LRRK2: variants seen among roughly 807,000 people sequenced by gnomAD.
The protein encoded by LRRK2 is leucine-rich repeat serine/threonine-protein kinase 2.
A neutral mutation model predicts 302.6 loss-of-function variants in LRRK2; 203 were observed. The observed-to-expected ratio is 0.67, with a 90% CI of 0.60 to 0.75. The LOEUF is 0.75. Among genes scored for constraint, LRRK2 ranks in the 30% least tolerant of loss-of-function variants. The pLI is 0.00. For missense variants in LRRK2, 2,830 were observed against 2,951.0 expected (o/e 0.96, Z 0.95); for synonymous variants, 1,066 against 1,031.9 (o/e 1.03, Z -0.63).
chr12:40,353,739 C>T (rs997293989), intron 44 of LRRK2, among the ~76,000 whole-genome samples: 6 of 152,218 alleles, frequency 3.9e-5, no homozygotes, highest in South Asian at 4.1e-4. Context: ...CCCGGCACCT[C>T]GGGAGGCCGA....
At position 40,354,348 on chromosome 12, in the gene LRRK2, T is replaced by C; in HGVS notation, c.6626T>C (p.Val2209Ala). ...TGCTTAGCCTTGGTGCATCTTCCTG[T>C]TGAAAAGGAAAGCTGGATTGTGTCT... ...ILCLALVHLP[V>A]EKESWIVSGT... The change falls in exon 45 of 51, where the codon GTT becomes GCT. Residue 2209 changes from valine (V) to alanine (A), a missense_variant. Physicochemically the swap from Val to Ala is moderately conservative, Grantham distance 64 (BLOSUM62 0). This residue lies in a region of LRRK2 where 456 missense variants were observed against 456.3 expected (regional missense o/e 1.00). Coordinates refer to ENST00000298910, the MANE Select transcript of LRRK2 (RefSeq NM_198578.4). 6.2e-7 allele frequency: 1 copy of C among 1,614,144 alleles called. No homozygotes were observed. The highest frequency in any genetic ancestry group is 8.5e-7 in the Non-Finnish European group (1 of 1,180,004).
intron 18 of LRRK2, 59 bp from the exon 19 acceptor site, chr12:40,283,816 T>C (rs1282970862): frequency 2.1e-6 from 3 of 1,442,434 alleles, no homozygotes; most frequent in Non-Finnish European, 2.8e-6. Context: ...GATTTGCCAG[T>C]CTCCTAAAAG....
chr12:40,298,823 A>G (rs1451561359), intron 24 of LRRK2, among the ~76,000 whole-genome samples: 1 of 120,698 alleles, frequency 8.3e-6, no homozygotes, highest in East Asian at 2.2e-4. Context: ...AATATATAAT[A>G]CATATATTAT....
rs184975934 is a variant in LRRK2, at chr12:40,318,379, C to T, written c.4828-1609C>T. ...CAAACTCTTTAAAAAATAAGTGTAT[C>T]TTAGTAAAATAGATTAGAATAACTA... is the stretch of plus-strand genomic sequence containing the variant. On this transcript the variant is annotated intron_variant, in intron 33 of 50. Transcript: ENST00000298910. Among the ~76,000 whole-genome samples the T allele has an allele frequency of 1.7e-4, 26 of 152,148 alleles. 1 individual carries two copies. In the East Asian group the frequency reaches 3.3e-3, roughly 19 times the overall value.
intron 14 of LRRK2, among the ~76,000 whole-genome samples, chr12:40,271,675 A>G (rs1267560146): frequency 6.6e-6 from 1 of 152,188 alleles, no homozygotes; most frequent in East Asian, 1.9e-4. Flanking sequence ...AAATATCATG[A>G]TAGTCATACC....
At chr12:40,272,558 G>A (rs1207434710) in intron 14 of LRRK2, among the ~76,000 whole-genome samples, 1 of 152,138 alleles carries the variant, frequency 6.6e-6, no homozygotes. Flanking sequence ...CATCGTTATT[G>A]TGGTCATTGC....
At chr12:40,354,113 T>C (rs1946457451) in intron 44 of LRRK2, among the ~76,000 whole-genome samples, 186 bp from the exon 45 acceptor site, 1 of 152,254 alleles carries the variant, frequency 6.6e-6, no homozygotes, top group Admixed American at 6.5e-5. Flanking sequence ...GTCATCTTGA[T>C]AGGCAAAACT....
chr12:40,349,708 G>A (rs749976335), intron 43 of LRRK2, among the ~76,000 whole-genome samples: 1 of 152,018 alleles, frequency 6.6e-6, no homozygotes, highest in African/African-American at 2.4e-5. Context: ...GTAGAGAAAG[G>A]GTCTCACTCT....
intron 4 of LRRK2, among the ~76,000 whole-genome samples, chr12:40,236,856 T>G (rs184310879): frequency 3.2e-4 from 49 of 152,128 alleles, no homozygotes; most frequent in Admixed American, 3.2e-3. Flanking sequence ...CCTTGGGAGG[T>G]ATTTTTTTTT....
chr12:40,367,501 T>A lies in LRRK2; in HGVS notation c.7463-143T>A. On this transcript the variant is annotated intron_variant, in intron 50 of 50. Coordinates refer to ENST00000298910, the MANE Select transcript of LRRK2 (RefSeq NM_198578.4). ...TTTTCCAAGTATAGTTTTTTATAAA[T>A]AATAATTTAGTACATTAGTTATAGC... 2 of 644,304 alleles carry A rather than the reference T, an allele frequency of 3.1e-6. 1 individual carries two copies. Among genetic ancestry groups the A allele is most frequent in the South Asian group, 7.4e-5 (2 of 27,168 alleles). The allele number at this position is 644,304 out of a possible 1,614,324, so 39.9% of individuals were successfully genotyped here.
chr12:40,291,987 T>C (rs1018796335), intron 20 of LRRK2, among the ~76,000 whole-genome samples: 8 of 152,092 alleles, frequency 5.3e-5, no homozygotes, highest in Admixed American at 3.3e-4. Context: ...GTTAGTATCA[T>C]TTTCTTCCTC....
intron 11 of LRRK2, among the ~76,000 whole-genome samples, chr12:40,255,586 G>A (rs1942466664): frequency 6.6e-6 from 1 of 152,162 alleles, no homozygotes; most frequent in Non-Finnish European, 1.5e-5. Flanking sequence ...AGCAGCATTT[G>A]CTGGGGGAAC....
intron 14 of LRRK2, among the ~76,000 whole-genome samples, chr12:40,272,692 A>G (rs557990620): frequency 3.9e-5 from 6 of 152,168 alleles, no homozygotes; most frequent in Non-Finnish European, 8.8e-5. Context: ...GGGTAAAGGA[A>G]TGATTTTAAA....
rs1221772366 is a variant in LRRK2, at chr12:40,246,451, C to T, written c.838+2770C>T. 5.9e-5 allele frequency among the ~76,000 whole-genome samples: 9 copies of T among 151,354 alleles called. No homozygotes were observed. The South Asian group carries it at 1.5e-3, about 25-fold the overall frequency. On this transcript the variant is annotated intron_variant, in intron 7 of 50. Transcript: ENST00000298910. ...CAGCCTCTTGTTTTTTCTTTTTTAC[C>T]CTTTCTTTTTTGTTAAAAACATCCT...
chr12:40,285,335 T>C (rs1943878384), intron 19 of LRRK2, among the ~76,000 whole-genome samples: 1 of 152,186 alleles, frequency 6.6e-6, no homozygotes, highest in Non-Finnish European at 1.5e-5. Context: ...GTCAATTTTG[T>C]TCATGGTTGT....
At chr12:40,269,496 A>G (rs1293882077) in intron 14 of LRRK2, among the ~76,000 whole-genome samples, 8 of 152,134 alleles carry the variant, frequency 5.3e-5, no homozygotes, top group Admixed American at 5.2e-4. Flanking sequence ...AGGGACTACA[A>G]CAAGCAGAGT....
At chr12:40,344,311 A>T (rs781626802) in intron 41 of LRRK2, among the ~76,000 whole-genome samples, 1 of 152,198 alleles carries the variant, frequency 6.6e-6, no homozygotes, top group Non-Finnish European at 1.5e-5. Flanking sequence ...TAGTTTTTGA[A>T]TAGTACCTAG....
chr12:40,346,919 A>C lies in LRRK2; in HGVS notation c.6276A>C (p.Leu2092Phe), dbSNP rs1420232716. ...ATGAATTAGAAATACAAGGAAAATTACCTGGTAAGTTCTGTTTTCTCTACA... is the reference window on the plus strand; with the variant it reads ...ATGAATTAGAAATACAAGGAAAATTCCCTGGTAAGTTCTGTTTTCTCTACA... ...EFDELEIQGK[L>F]PDPVKEYGCA... The change falls in exon 42 of 51, where the codon TTA becomes TTC. Residue 2092 changes from leucine to phenylalanine, a missense_variant. By Grantham distance (22) the Leu-to-Phe change is conservative. Around this residue, in one of 3 missense-constraint regions of LRRK2, gnomAD observed 253 missense variants for 346.7 expected, o/e 0.73. Transcript: ENST00000298910. The C allele has an allele frequency of 6.2e-7, 1 of 1,610,466 alleles. No individual in the cohort carries two copies. The highest frequency in any genetic ancestry group is 8.5e-7 in the Non-Finnish European group (1 of 1,179,028).
rs17491515 is a variant in LRRK2, at chr12:40,340,492, G to A, written c.6109+38G>A. ...GTCTGTCTCATAATTCTATCTTCAG[G>A]ATGGATAACCACTGACCTCAGATGT... is the stretch of plus-strand genomic sequence containing the variant. On this transcript the variant is annotated intron_variant, in intron 41 of 50. Coordinates refer to ENST00000298910, the MANE Select transcript of LRRK2 (RefSeq NM_198578.4). The A allele has an allele frequency of 1.1e-4, 173 of 1,608,368 alleles. No homozygotes were observed. In the African/African-American group the frequency reaches 1.6e-3, roughly 15 times the overall value.
Sources: allele counts gnomAD v4.1 joint callset (sites outside exome capture counted in the v4.1 genomes callset), GRCh38; gene constraint gnomAD v4.1.1; regional missense constraint gnomAD v4.1.1; transcripts MANE v1.5; gene names NCBI Gene and HGNC (gene_info 2026-07-23, HGNC 2026-07-21).